The following UGT1A9 variants were observed in gnomAD, a reference collection of about 807,000 sequenced individuals.
UGT1A9 encodes UDP-glucuronosyltransferase 1A9.
Under a neutral mutation model 45.0 loss-of-function variants are expected in UGT1A9, and 35 were observed. The ratio of observed to expected loss-of-function variants is 0.78; its 90% CI spans 0.59 to 1.03. The LOEUF is 1.03. UGT1A9 is among the 50% of genes least tolerant of loss of function. The pLI is 0.00. For missense variants in UGT1A9, 687 were observed against 666.6 expected (o/e 1.03, Z -0.34); for synonymous variants, 278 against 250.6 (o/e 1.11, Z -1.03).
At chr2:233,680,803 G>C (rs1386884199) in intron 1 of UGT1A9, among the ~76,000 whole-genome samples, 1 of 152,140 alleles carries the variant, frequency 6.6e-6, no homozygotes, top group Admixed American at 6.5e-5. Flanking sequence ...CATAGCAAAG[G>C]CCTGCAGCTC....
In UGT1A9 at chr2:233,682,199, C is replaced by T. The variant is rs151080578; in HGVS notation, c.855+9410C>T. On this transcript the variant is annotated intron_variant, in intron 1 of 4. Transcript: ENST00000354728. ...CTCATACACTCTGGAGGATCAGGACCGGGAGTTCATGGTTTTTGCCGATGC... is the reference window on the plus strand; with the variant it reads ...CTCATACACTCTGGAGGATCAGGACTGGGAGTTCATGGTTTTTGCCGATGC... 6.8e-5 allele frequency: 109 copies of T among 1,614,150 alleles called. No individual in the cohort carries two copies. In the African/African-American group the frequency reaches 1.3e-3, roughly 19 times the overall value.
rs534080873 is a variant in UGT1A9 at position 233,731,172 on chromosome 2, T to C, written c.856-35862T>C. Among the ~76,000 whole-genome samples, 21 of 152,344 alleles carry C rather than the reference T, an allele frequency of 1.4e-4. No individual in the cohort carries two copies. The South Asian group carries it at 3.1e-3, about 23-fold the overall frequency. The stretch of plus-strand genomic sequence containing the variant: ...CTTTTTGATCAAACGACATGATTTT[T>C]TTATGCAATGTAATTATTCAATTAT... On this transcript the variant is annotated intron_variant, in intron 1 of 4. Coordinates refer to ENST00000354728, the MANE Select transcript of UGT1A9 (RefSeq NM_021027.3).
At chr2:233,728,451 C>T (rs754577531) in intron 1 of UGT1A9, among the ~76,000 whole-genome samples, 1 of 152,174 alleles carries the variant, frequency 6.6e-6, no homozygotes, top group Non-Finnish European at 1.5e-5. Context: ...GGAGAATCCT[C>T]AACAAAGTCT....
Position 233,772,318 on chromosome 2 carries a change from C to G in UGT1A9, c.1352C>G (p.Pro451Arg). The change falls in exon 5 of 5, where the codon CCG (proline) becomes CGG (arginine). Residue 451 changes from proline to arginine, a missense_variant. Physicochemically the swap from Pro to Arg is moderately radical, Grantham distance 103. Coordinates refer to ENST00000354728, the MANE Select transcript of UGT1A9 (RefSeq NM_021027.3). ...CTTCACAAGGACCGCCCGGTGGAGC[C>G]GCTGGACCTGGCCGTGTTCTGGGTG... The part of the protein sequence containing the change: ...SSLHKDRPVE[P>R]LDLAVFWVEF... 1 of 1,614,230 alleles carries G rather than the reference C, an allele frequency of 6.2e-7. No individual in the cohort carries two copies.
intron 1 of UGT1A9, among the ~76,000 whole-genome samples, chr2:233,757,459 C>T (rs1280909636): frequency 8.7e-5 from 13 of 149,420 alleles, no homozygotes; most frequent in African/African-American, 2.0e-4. Flanking sequence ...ATGTCCAGAG[C>T]GCTTACTGTC....
Position 233,767,867 on chromosome 2 carries a change from G to A in UGT1A9, c.1006G>A (p.Gly336Arg). ...CTCCCAGGTCCTGTGGCGGTACACTGGAACCCGACCATCGAATCTTGCGAA... is the reference window on the plus strand; with the variant it reads ...CTCCCAGGTCCTGTGGCGGTACACTAGAACCCGACCATCGAATCTTGCGAA... ...IPQTVLWRYT[G>R]TRPSNLANNT... Residue 336 changes from glycine to arginine, a missense_variant, in exon 3 of 5, where the codon GGA (glycine) becomes AGA (arginine). Coordinates refer to ENST00000354728, the MANE Select transcript of UGT1A9 (RefSeq NM_021027.3). The A allele has an allele frequency of 1.2e-6, 2 of 1,614,118 alleles. No individual in the cohort carries two copies. Among genetic ancestry groups the A allele is most frequent in the Non-Finnish European group, 1.7e-6 (2 of 1,180,024 alleles).
chr2:233,729,976 A>T (rs201645683), intron 1 of UGT1A9: 1 of 1,614,046 alleles, frequency 6.2e-7, no homozygotes, highest in South Asian at 1.1e-5. Context: ...CTGTGCCAAC[A>T]GGAAGCCACT....
rs28900403 is a variant in UGT1A9 at position 233,768,158 on chromosome 2, A to G, written c.1076-62A>G. 1.0e-3 allele frequency: 1,655 copies of G among 1,613,190 alleles called. 19 individuals are homozygous for G. The African/African-American group carries it at 0.019, about 19-fold the overall frequency. On this transcript the variant is annotated intron_variant, in intron 3 of 4. Transcript: ENST00000354728. ...TCTTTGGAGTGTTTTCAGAACCTAG[A>G]TGTGTCCAGCTGTGAAACTCAGAGA...
intron 1 of UGT1A9, among the ~76,000 whole-genome samples, chr2:233,696,285 A>T (rs554364174): frequency 1.9e-4 from 29 of 152,324 alleles, no homozygotes; most frequent in Admixed American, 1.7e-3. Flanking sequence ...AAAACGTAGG[A>T]CTGTAATATC....
At chr2:233,677,305 A>G (rs1382565135) in intron 1 of UGT1A9, among the ~76,000 whole-genome samples, 1 of 152,140 alleles carries the variant, frequency 6.6e-6, no homozygotes, top group Non-Finnish European at 1.5e-5. Context: ...TTTTTAATCC[A>G]GTTTTCAAGT....
chr2:233,749,312 T>A (rs900685168), intron 1 of UGT1A9, among the ~76,000 whole-genome samples: 1 of 151,978 alleles, frequency 6.6e-6, no homozygotes, highest in African/African-American at 2.4e-5. Context: ...TATGTGTTTA[T>A]TAGATTTGTA....
chr2:233,688,485 C>A (rs1180884659), intron 1 of UGT1A9, among the ~76,000 whole-genome samples: 1 of 152,202 alleles, frequency 6.6e-6, no homozygotes, highest in African/African-American at 2.4e-5. Context: ...CTATCTCCAT[C>A]CTTTTGGGAA....
intron 1 of UGT1A9, among the ~76,000 whole-genome samples, chr2:233,705,201 A>C (rs1219685383): frequency 1.3e-5 from 2 of 151,986 alleles, no homozygotes; most frequent in Non-Finnish European, 2.9e-5. Flanking sequence ...TGCCTTTTAT[A>C]ACTACATGAT....
chr2:233,733,620 A>G lies in UGT1A9; in HGVS notation c.856-33414A>G, dbSNP rs138642238. ...TGATGGATTACATTTATTGATTTGC[A>G]TATGTTGAACCAGCCTTGCATCCCA... On this transcript the variant is annotated intron_variant, in intron 1 of 4. Coordinates refer to ENST00000354728, the MANE Select transcript of UGT1A9 (RefSeq NM_021027.3). 5.8e-3 allele frequency among the ~76,000 whole-genome samples: 878 copies of G among 152,316 alleles called. 10 individuals are homozygous for G. Among genetic ancestry groups the G allele is most frequent in the African/African-American group, 0.02 (842 of 41,576 alleles).
chr2:233,713,160 C>T (rs2076285885), intron 1 of UGT1A9: 1 of 1,614,074 alleles, frequency 6.2e-7, no homozygotes. Context: ...GAGAGGCCAC[C>T]AGGTGGTGGT....
At chr2:233,752,601 A>T (rs969086099) in intron 1 of UGT1A9, 2 of 152,086 alleles carry the variant, frequency 1.3e-5, no homozygotes, top group Non-Finnish European at 2.9e-5. Flanking sequence ...GATTTTTTTT[A>T]AAAAAACATT....
chr2:233,703,067 G>C (rs28899181), intron 1 of UGT1A9, among the ~76,000 whole-genome samples: 84 of 152,340 alleles, frequency 5.5e-4, no homozygotes, highest in African/African-American at 1.9e-3. Context: ...TAGTGAAGCT[G>C]TCTGGGCCTA....
At chr2:233,678,706 CT>C (rs1286679925) in intron 1 of UGT1A9, among the ~76,000 whole-genome samples, 1 of 152,100 alleles carries the variant, frequency 6.6e-6, no homozygotes, top group East Asian at 1.9e-4. Context: ...GGCACTGCTT[CT>C]TCTACATCTT....
chr2:233,730,227 G>A (rs1389808961), intron 1 of UGT1A9, among the ~76,000 whole-genome samples: 1 of 152,112 alleles, frequency 6.6e-6, no homozygotes, highest in Admixed American at 6.5e-5. Context: ...TTTGTAAAAG[G>A]ATGGACAAGG....
Sources: gnomAD v4.1 joint callset for allele counts (sites outside exome capture counted in the v4.1 genomes callset) on GRCh38, gnomAD v4.1.1 for gene constraint, MANE v1.5 for transcripts, NCBI Gene and HGNC (gene_info 2026-07-23, HGNC 2026-07-21) for gene names.